Variants in ERICH5 observed in about 807,000 individuals in gnomAD.
The protein encoded by ERICH5 is glutamate-rich protein 5.
In ERICH5, 24 loss-of-function variants were observed where a neutral mutation model predicts 28.0. The ratio of observed to expected loss-of-function variants is 0.86; its 90% CI spans 0.62 to 1.21. The LOEUF is 1.21. ERICH5 is among the 50% of genes most tolerant of loss of function. The probability of loss-of-function intolerance (pLI) is 0.00; values close to 1 mark genes in which losing one functional copy is unlikely to be tolerated. For missense variants in ERICH5, 421 were observed against 441.2 expected (o/e 0.95, Z 0.41); for synonymous variants, 163 against 157.6 (o/e 1.03, Z -0.25).
intron 2 of ERICH5, among the ~76,000 whole-genome samples, chr8:98,091,166 G>A (rs190890837): frequency 1.8e-3 from 274 of 152,244 alleles, no homozygotes; most frequent in Middle Eastern, 0.01. Context: ...TCCAGCTCCT[G>A]ACCTCATGAT....
intron 1 of ERICH5, among the ~76,000 whole-genome samples, chr8:98,075,785 CTTTTTT>C (rs1296283210): frequency 8.6e-5 from 7 of 81,646 alleles, no homozygotes; most frequent in Non-Finnish European, 2.3e-5. Flanking sequence ...GCACACCTGC[CTTTTTT>C]TTTTTTTTTT....
chr8:98,073,460 GTATATATATA>G lies in ERICH5; in HGVS notation c.58+8749_58+8758del, dbSNP rs1321366335. ...TATATATATATATATATATATATATGTATATATATATATATATATATATATGTATATATAT... is the reference window on the plus strand; with the variant it reads ...TATATATATATATATATATATATATGTATATATATATATATGTATATATAT... On this transcript the variant is annotated intron_variant, in intron 1 of 2. Coordinates refer to ENST00000318528, the MANE Select transcript of ERICH5 (RefSeq NM_173549.3). Among the ~76,000 whole-genome samples, 8 of 14,370 alleles carry G rather than the reference GTATATATATA, an allele frequency of 5.6e-4. 3 individuals are homozygous for G. Among genetic ancestry groups the G allele is most frequent in the Non-Finnish European group, 7.6e-4 (8 of 10,466 alleles). 9.4% of individuals were successfully genotyped at this position (14,370 alleles called of 152,430 possible).
intron 2 of ERICH5, among the ~76,000 whole-genome samples, chr8:98,092,290 T>A (rs1485864385): frequency 1.3e-5 from 2 of 152,004 alleles, no homozygotes; most frequent in Non-Finnish European, 2.9e-5. Flanking sequence ...TTCTCCCTCC[T>A]CGGCCTCCTG....
At chr8:98,071,606 G>C (rs1814920573) in intron 1 of ERICH5, among the ~76,000 whole-genome samples, 2 of 152,086 alleles carry the variant, frequency 1.3e-5, no homozygotes, top group African/African-American at 4.8e-5. Context: ...GCCTCCTAAG[G>C]TGCTGGGATT....
chr8:98,082,645 CAA>C (rs34955015), intron 1 of ERICH5, among the ~76,000 whole-genome samples: 9 of 127,850 alleles, frequency 7.0e-5, no homozygotes, highest in Admixed American at 1.6e-4. Flanking sequence ...AACTCCATCT[CAA>C]AAAAAAAAAA....
rs1392328361 is a variant in ERICH5 at position 98,073,459 on chromosome 8, T to C, written c.58+8732T>C. Among the ~76,000 whole-genome samples, 11 of 8,602 alleles carry C rather than the reference T, an allele frequency of 1.3e-3. 1 individual carries two copies. Among genetic ancestry groups the C allele is most frequent in the South Asian group, 0.023 (2 of 88 alleles). The allele number at this position is 8,602 out of a possible 152,430, so 5.6% of individuals were successfully genotyped here. A position where few individuals can be genotyped will look rare whatever the true frequency, so the allele number is the denominator to read the frequency against. Reference sequence around the variant, plus strand: ...ATATATATATATATATATATATATATGTATATATATATATATATATATATA... The same window carrying C: ...ATATATATATATATATATATATATACGTATATATATATATATATATATATA... On this transcript the variant is annotated intron_variant, in intron 1 of 2. Coordinates refer to ENST00000318528, the MANE Select transcript of ERICH5 (RefSeq NM_173549.3).
chr8:98,066,074 A>G (rs1286083009), intron 1 of ERICH5, among the ~76,000 whole-genome samples: 1 of 152,212 alleles, frequency 6.6e-6, no homozygotes, highest in Non-Finnish European at 1.5e-5. Flanking sequence ...CAACAATGTG[A>G]AAAGATGGAA....
chr8:98,091,876 CTTTCTTTCTTTCTTTCTTTCT>C, intron 2 of ERICH5, among the ~76,000 whole-genome samples: 1 of 91,910 alleles, frequency 1.1e-5, no homozygotes, highest in African/African-American at 4.2e-5. Flanking sequence ...TTCTTTCTTT[CTTTCTTTCTTTCTTTCTTTCT>C]TTCCTTTCTT....
chr8:98,074,487 T>C (rs2513826), intron 1 of ERICH5, among the ~76,000 whole-genome samples: 96,270 of 148,184 alleles, frequency 0.65, 31,755 homozygotes, highest in African/African-American at 0.76. Flanking sequence ...CAGCCTCAAC[T>C]TCCTGGATTC....
rs370586466 is a variant in ERICH5 at position 98,080,673 on chromosome 8, CCTT to C, written c.59-8388_59-8386del. 4.9e-3 allele frequency among the ~76,000 whole-genome samples: 730 copies of C among 149,812 alleles called. 6 individuals are homozygous for C. Among genetic ancestry groups the C allele is most frequent in the African/African-American group, 0.016 (665 of 40,398 alleles). On this transcript the variant is annotated intron_variant, in intron 1 of 2. Transcript: ENST00000318528. ...TTCTTCTTCTCCTCCTTCTCCTTCT[CCTT>C]CTTCTTCTTCTTCTCCCCCTCCCGT...
At chr8:98,091,868 C>CTT (rs1168542374) in intron 2 of ERICH5, among the ~76,000 whole-genome samples, 1 of 89,838 alleles carries the variant, frequency 1.1e-5, no homozygotes, top group Admixed American at 1.3e-4. Context: ...TTCTTTCTTT[C>CTT]TTTCTTTCTT....
At chr8:98,066,404 T>A (rs1814820315) in intron 1 of ERICH5, among the ~76,000 whole-genome samples, 1 of 152,192 alleles carries the variant, frequency 6.6e-6, no homozygotes, top group African/African-American at 2.4e-5. Flanking sequence ...CATTACATAG[T>A]TTTAAACTGA....
At chr8:98,067,322 GT>G (rs1211638387) in intron 1 of ERICH5, among the ~76,000 whole-genome samples, 1 of 152,004 alleles carries the variant, frequency 6.6e-6, no homozygotes, top group Admixed American at 6.6e-5. Flanking sequence ...GTAACTCTTG[GT>G]GGTACAGGCC....
Position 98,091,906 on chromosome 8 carries a change from TTTC to T in ERICH5, c.1013-1312_1013-1310del, listed in dbSNP as rs1586209293. Among the ~76,000 whole-genome samples, 7 of 99,922 alleles carry T rather than the reference TTTC, an allele frequency of 7.0e-5. No individual in the cohort carries two copies. The South Asian group carries it at 1.1e-3, about 16-fold the overall frequency. 65.6% of individuals were successfully genotyped at this position (99,922 alleles called of 152,430 possible). A position where few individuals can be genotyped will look rare whatever the true frequency, so the allele number is the denominator to read the frequency against. On this transcript the variant is annotated intron_variant, in intron 2 of 2. Transcript: ENST00000318528. ...TTTCTTTCTTTCTTTCTTTCCTTTC[TTTC>T]TTTCTTTCTTCCTTTCTTTCTTTCT...
chr8:98,081,488 T>A (rs1194376743), intron 1 of ERICH5, among the ~76,000 whole-genome samples: 2 of 152,166 alleles, frequency 1.3e-5, no homozygotes, highest in African/African-American at 2.4e-5. Context: ...GATTAGTGGG[T>A]GCTAGTCTCT....
At chr8:98,088,241 A>G (rs1330807814) in intron 1 of ERICH5, among the ~76,000 whole-genome samples, 2 of 152,216 alleles carry the variant, frequency 1.3e-5, no homozygotes, top group African/African-American at 2.4e-5. Flanking sequence ...CATATTGCCA[A>G]TCTTAAACAT....
chr8:98,087,069 G>A (rs1197333899), intron 1 of ERICH5, among the ~76,000 whole-genome samples: 8 of 152,164 alleles, frequency 5.3e-5, no homozygotes, highest in Non-Finnish European at 1.2e-4. Flanking sequence ...TGAGACGGGC[G>A]TGGTGGCTTA....
intron 1 of ERICH5, among the ~76,000 whole-genome samples, chr8:98,071,948 A>G (rs577998002): frequency 6.7e-6 from 1 of 149,568 alleles, no homozygotes; most frequent in Non-Finnish European, 1.5e-5. Context: ...GGTTCTCACT[A>G]TGCTGCCCAG....
chr8:98,078,934 C>G (rs904561823), intron 1 of ERICH5, among the ~76,000 whole-genome samples: 1 of 152,264 alleles, frequency 6.6e-6, no homozygotes, highest in African/African-American at 2.4e-5. Flanking sequence ...AAATATATCT[C>G]ATTGCTTTTC....
Sources: allele counts gnomAD v4.1 joint callset (sites outside exome capture counted in the v4.1 genomes callset), GRCh38; gene constraint gnomAD v4.1.1; transcripts MANE v1.5; gene names NCBI Gene and HGNC (gene_info 2026-07-23, HGNC 2026-07-21).